Variants in BCL11B observed in about 807,000 individuals in gnomAD.
BCL11B encodes the protein B-cell lymphoma/leukemia 11B.
BCL11B carries 8 observed loss-of-function variants against 49.9 expected under a neutral mutation model. The observed-to-expected ratio is 0.16, with a 90% CI of 0.09 to 0.29. The LOEUF is 0.29. Ranked by LOEUF, BCL11B falls within the 10% of genes least tolerant of loss-of-function variation. The probability of loss-of-function intolerance (pLI) is 1.00; values close to 1 mark genes in which losing one functional copy is unlikely to be tolerated. For synonymous variants in BCL11B, 739 were observed against 637.4 expected, an observed-to-expected ratio of 1.16 and a Z score of -2.40; for missense variants, 1,006 against 1,351.0, an observed-to-expected ratio of 0.74 and a Z score of 4.00.
rs556286034 is a variant in BCL11B at position 99,183,627 on chromosome 14, CT to C, written c.641-7433del. The stretch of plus-strand genomic sequence containing the variant: ...AATACCTGCCTTCCTGGGTCGTTCG[CT>C]GTAGGATGAGGGCTCGTCGTGGTAA... On this transcript the variant is annotated intron_variant, in intron 3 of 3. Coordinates refer to ENST00000357195, the MANE Select transcript of BCL11B (RefSeq NM_138576.4). 2.2e-3 allele frequency among the ~76,000 whole-genome samples: 329 copies of C among 152,280 alleles called. 1 individual carries two copies. Among genetic ancestry groups the C allele is most frequent in the African/African-American group, 7.4e-3 (307 of 41,552 alleles).
At chr14:99,267,103 C>T (rs1409560911) in intron 1 of BCL11B, among the ~76,000 whole-genome samples, 1 of 152,144 alleles carries the variant, frequency 6.6e-6, no homozygotes, top group East Asian at 1.9e-4. Context: ...ACTGACACAA[C>T]ACACCCAACC....
rs575113327 is a variant in BCL11B, at chr14:99,260,627, C to T, written c.59-2788G>A. On this transcript the variant is annotated intron_variant, in intron 1 of 3. Transcript: ENST00000357195. ...GTCTTTTGCCAAGACTATGTACCAG[C>T]ACTTTTTCCTTTCTCTCCTCTTTTT... Among the ~76,000 whole-genome samples, 14 of 152,302 alleles carry T rather than the reference C, an allele frequency of 9.2e-5. 1 individual carries two copies. The South Asian group carries it at 2.9e-3, about 32-fold the overall frequency.
intron 3 of BCL11B, among the ~76,000 whole-genome samples, chr14:99,178,346 G>C (rs1595219268): frequency 6.6e-6 from 1 of 152,280 alleles, no homozygotes; most frequent in East Asian, 1.9e-4. Flanking sequence ...AGGGTGTCTG[G>C]GTCATTTCCC....
In BCL11B at chr14:99,175,881, G is replaced by A. The variant is rs1439916653; in HGVS notation, c.955C>T (p.Pro319Ser). The A allele has an allele frequency of 6.8e-7, 1 of 1,470,856 alleles. No individual in the cohort carries two copies. The highest frequency in any genetic ancestry group is 9.0e-7 in the Non-Finnish European group (1 of 1,115,662). 91.1% of individuals were successfully genotyped at this position (1,470,856 alleles called of 1,614,324 possible). A position where few individuals can be genotyped will look rare whatever the true frequency, so the allele number is the denominator to read the frequency against. The part of the protein sequence containing the change: ...RLPGTPPLFS[P>S]PPRHHLDPHR... The stretch of plus-strand genomic sequence containing the variant: ...GGGTCCAGGTGGTGGCGCGGCGGGG[G>A]ACTGAAGAGAGGCGGCGTGCCCGGC... Residue 319 changes from proline to serine, a missense_variant, in exon 4 of 4, where the codon CCC becomes TCC. Physicochemically the swap from Pro to Ser is moderately conservative, Grantham distance 74. Coordinates refer to ENST00000357195, the MANE Select transcript of BCL11B (RefSeq NM_138576.4).
chr14:99,259,486 T>C (rs777662272), intron 1 of BCL11B, among the ~76,000 whole-genome samples: 3 of 152,198 alleles, frequency 2.0e-5, no homozygotes, highest in Non-Finnish European at 4.4e-5. Flanking sequence ...TATGTGTGAA[T>C]AGGTAGCGAC....
chr14:99,180,548 C>T (rs1472971439), intron 3 of BCL11B, among the ~76,000 whole-genome samples: 1 of 152,146 alleles, frequency 6.6e-6, no homozygotes, highest in Non-Finnish European at 1.5e-5. Flanking sequence ...AGGAGGAATT[C>T]AGTCAATTCA....
At chr14:99,216,954 C>A (rs11160505) in intron 3 of BCL11B, among the ~76,000 whole-genome samples, 48,975 of 151,958 alleles carry the variant, frequency 0.32, 9,270 homozygotes, top group Non-Finnish European at 0.44. Context: ...GTACACACAT[C>A]TGCACACACG....
chr14:99,205,862 G>GT lies in BCL11B; in HGVS notation c.640+25482_640+25483insA, dbSNP rs1353454287. Among the ~76,000 whole-genome samples, 1 of 152,170 alleles carries GT rather than the reference G, an allele frequency of 6.6e-6. No homozygotes were observed. The highest frequency in any genetic ancestry group is 1.5e-5 in the Non-Finnish European group (1 of 68,022). ...AAGCCACTCCCACCAAGGTCTTCCA[G>GT]CAAAGATCTCTCATTGCAGAATCAA... On this transcript the variant is annotated intron_variant, in intron 3 of 3. Transcript: ENST00000357195. The surrounding 1 kb of genome is among the most constrained non-coding windows in gnomAD (Gnocchi z 5.0).
intron 1 of BCL11B, among the ~76,000 whole-genome samples, chr14:99,258,238 G>A (rs908634956): frequency 6.6e-6 from 1 of 152,194 alleles, no homozygotes; most frequent in Non-Finnish European, 1.5e-5. Context: ...AGAATCACCT[G>A]GAGGGTTTGA....
intron 3 of BCL11B, among the ~76,000 whole-genome samples, chr14:99,218,861 T>C (rs532486041): frequency 6.6e-6 from 1 of 152,316 alleles, no homozygotes; most frequent in Admixed American, 6.5e-5. Flanking sequence ...AGGTGGGTCC[T>C]GAATCCAAAG....
At position 99,257,409 on chromosome 14, in the gene BCL11B, C is replaced by T; in HGVS notation, c.427+62G>A. The T allele has an allele frequency of 1.3e-6, 2 of 1,536,344 alleles. No individual in the cohort carries two copies. The highest frequency in any genetic ancestry group is 1.4e-5 in the African/African-American group (1 of 73,620). Reference sequence around the variant, plus strand: ...CTTCCCCTGCACCAGCACACTCAGGCAGAGGGCATGGGACCCAGGAGGTGG... The same window carrying T: ...CTTCCCCTGCACCAGCACACTCAGGTAGAGGGCATGGGACCCAGGAGGTGG... On this transcript the variant is annotated intron_variant, in intron 2 of 3. Coordinates refer to ENST00000357195, the MANE Select transcript of BCL11B (RefSeq NM_138576.4). The surrounding 1 kb of genome is among the most constrained non-coding windows in gnomAD (Gnocchi z 6.2).
In BCL11B at chr14:99,172,954, C is replaced by CCAACCAAAAAAA; in HGVS notation, c.*1196_*1197insTTTTTTTGGTTG. The CCAACCAAAAAAA allele has an allele frequency of 4.6e-6, 1 of 218,788 alleles. No homozygotes were observed. Among genetic ancestry groups the CCAACCAAAAAAA allele is most frequent in the Non-Finnish European group, 9.2e-6 (1 of 108,784 alleles). 13.6% of individuals were successfully genotyped at this position (218,788 alleles called of 1,614,324 possible). ...AAATTTGCAAGATCCCCACCCCACC[C>CCAACCAAAAAAA]ATCCCTACAATATCATCAGTGTGCA... is the stretch of plus-strand genomic sequence containing the variant. On this transcript the variant is annotated 3_prime_UTR_variant, in exon 4 of 4. Transcript: ENST00000357195.
intron 3 of BCL11B, among the ~76,000 whole-genome samples, chr14:99,206,767 A>G (rs1887544076): frequency 6.6e-6 from 1 of 152,226 alleles, no homozygotes; most frequent in Non-Finnish European, 1.5e-5. Flanking sequence ...ACTTTATCAT[A>G]GGTATGTGTG....
intron 3 of BCL11B, among the ~76,000 whole-genome samples, chr14:99,181,919 G>A (rs56132719): frequency 0.24 from 37,063 of 152,146 alleles, 4,738 homozygotes; most frequent in South Asian, 0.36. Flanking sequence ...CGTCTCCACA[G>A]TTCCAAAATG....
At chr14:99,215,670 G>C (rs899053904) in intron 3 of BCL11B, among the ~76,000 whole-genome samples, 5 of 152,172 alleles carry the variant, frequency 3.3e-5, no homozygotes, top group African/African-American at 1.2e-4. Context: ...TTATTAAGCC[G>C]GCTCGCACTG....
At position 99,172,064 on chromosome 14, in the gene BCL11B, C is replaced by A; in HGVS notation, c.*2087G>T. On this transcript the variant is annotated 3_prime_UTR_variant, in exon 4 of 4. Transcript: ENST00000357195. The stretch of plus-strand genomic sequence containing the variant: ...TTGAAAAAAAAAGATCGCTCCAACA[C>A]ACATACACACAATTTTTTTTTTACC... 1 of 217,696 alleles carries A rather than the reference C, an allele frequency of 4.6e-6. No individual in the cohort carries two copies. The allele number at this position is 217,696 out of a possible 1,614,324, so 13.5% of individuals were successfully genotyped here.
chr14:99,212,050 C>T (rs544514010), intron 3 of BCL11B, among the ~76,000 whole-genome samples: 1 of 152,208 alleles, frequency 6.6e-6, no homozygotes, highest in East Asian at 1.9e-4. Flanking sequence ...AAAGCTTCTC[C>T]CATCCTGCCC....
At chr14:99,201,988 C>CT (rs1035241042) in intron 3 of BCL11B, among the ~76,000 whole-genome samples, 9 of 151,948 alleles carry the variant, frequency 5.9e-5, no homozygotes, top group African/African-American at 9.7e-5. Flanking sequence ...ACACTCGCCT[C>CT]TTTTTTTTCG....
chr14:99,238,242 G>T (rs558582925), intron 2 of BCL11B, among the ~76,000 whole-genome samples: 1 of 152,030 alleles, frequency 6.6e-6, no homozygotes, highest in Non-Finnish European at 1.5e-5. Context: ...GAATGATCGC[G>T]TCCCCCACCG....
Sources: gnomAD v4.1 joint callset for allele counts (sites outside exome capture counted in the v4.1 genomes callset) on GRCh38, gnomAD v4.1.1 for gene constraint, Gnocchi (gnomAD v3.1) non-coding constraint, MANE v1.5 for transcripts, NCBI Gene and HGNC (gene_info 2026-07-23, HGNC 2026-07-21) for gene names.